The following CLSTN2 variants were observed in gnomAD, a reference collection of about 807,000 sequenced individuals.
The protein encoded by CLSTN2 is calsyntenin-2.
Under a neutral mutation model 101.2 loss-of-function variants are expected in CLSTN2, and 48 were observed. That is an observed-to-expected ratio of 0.47 (90% CI 0.38 to 0.60). The LOEUF (loss-of-function observed/expected upper bound fraction) is 0.60. Ranked by LOEUF, CLSTN2 falls within the 20% of genes least tolerant of loss-of-function variation. The pLI is 0.00. For synonymous variants in CLSTN2, 481 were observed against 463.6 expected (o/e 1.04, Z -0.48); for missense variants, 1,160 against 1,238.2 (o/e 0.94, Z 0.95).
rs2009485678 is a variant in CLSTN2, at chr3:140,129,307, A to C, written c.110-46644A>C. Among the ~76,000 whole-genome samples the C allele has an allele frequency of 2.6e-5, 4 of 152,314 alleles. No individual in the cohort carries two copies. The South Asian group carries it at 8.3e-4, about 32-fold the overall frequency. On this transcript the variant is annotated intron_variant, in intron 1 of 16. Transcript: ENST00000458420. ...GCAGGAATAATGTCTGACACATTGT[A>C]GGTACTCCTTGTCAGTAGCTTCTAT...
chr3:140,127,719 G>A (rs1305810236), intron 1 of CLSTN2, among the ~76,000 whole-genome samples: 1 of 152,128 alleles, frequency 6.6e-6, no homozygotes, highest in Non-Finnish European at 1.5e-5. Flanking sequence ...CAGGAGTATA[G>A]GCTGGAATAA....
chr3:140,432,033 T>G (rs1357302299), intron 5 of CLSTN2, among the ~76,000 whole-genome samples: 1 of 152,180 alleles, frequency 6.6e-6, no homozygotes, highest in Admixed American at 6.5e-5. Context: ...GTACACACAT[T>G]TAAATCCATA....
intron 9 of CLSTN2, among the ~76,000 whole-genome samples, chr3:140,543,933 T>C (rs181189244): frequency 6.6e-6 from 1 of 152,190 alleles, no homozygotes; most frequent in East Asian, 1.9e-4. Context: ...ACAGGTGCAA[T>C]AGGGAAGGAA....
chr3:140,069,671 A>C (rs1203225014), intron 1 of CLSTN2, among the ~76,000 whole-genome samples: 2 of 152,200 alleles, frequency 1.3e-5, no homozygotes, highest in Admixed American at 1.3e-4. Context: ...AGAAGTTCAC[A>C]TCTTCCCTTA....
chr3:140,173,574 A>T (rs2010272868), intron 1 of CLSTN2, among the ~76,000 whole-genome samples: 1 of 152,188 alleles, frequency 6.6e-6, no homozygotes, highest in South Asian at 2.1e-4. Context: ...TCCCTTCTGC[A>T]CTGCCCTAGC....
chr3:140,169,476 C>T (rs867760252), intron 1 of CLSTN2, among the ~76,000 whole-genome samples: 1 of 152,022 alleles, frequency 6.6e-6, no homozygotes, highest in African/African-American at 2.4e-5. Context: ...TGCCTTATTG[C>T]ACTGGTTAGA....
intron 2 of CLSTN2, among the ~76,000 whole-genome samples, chr3:140,226,178 G>C (rs1471561838): frequency 6.6e-6 from 1 of 151,478 alleles, no homozygotes; most frequent in Non-Finnish European, 1.5e-5. Flanking sequence ...AATAACCACA[G>C]AAATGGAGAA....
At chr3:140,333,009 A>C (rs2087402240) in intron 2 of CLSTN2, among the ~76,000 whole-genome samples, 1 of 152,166 alleles carries the variant, frequency 6.6e-6, no homozygotes, top group South Asian at 2.1e-4. Flanking sequence ...GGAGTCCATG[A>C]TCCTGCACTG....
chr3:140,551,653 A>C (rs2936717), intron 10 of CLSTN2, among the ~76,000 whole-genome samples: 3 of 152,116 alleles, frequency 2.0e-5, no homozygotes, highest in Admixed American at 2.0e-4. Context: ...TAGGTGTTTA[A>C]GTTTTTTTCT....
chr3:140,308,770 G>GTA (rs1254300888), intron 2 of CLSTN2, among the ~76,000 whole-genome samples: 21 of 152,212 alleles, frequency 1.4e-4, no homozygotes, highest in Admixed American at 3.3e-4. Context: ...CTTCACTCCA[G>GTA]TTTTATGCTA....
chr3:140,387,421 T>A (rs1021720743), intron 2 of CLSTN2, among the ~76,000 whole-genome samples: 1 of 152,208 alleles, frequency 6.6e-6, no homozygotes, highest in African/African-American at 2.4e-5. Flanking sequence ...TTTACTAACC[T>A]CTCCATTGGG....
At chr3:140,533,710 C>CAAAAAAAAAAAAA (rs71627883) in intron 9 of CLSTN2, among the ~76,000 whole-genome samples, 1 of 58,874 alleles carries the variant, frequency 1.7e-5, no homozygotes, top group African/African-American at 5.9e-5. Context: ...GACTCCATCT[C>CAAAAAAAAAAAAA]AAAAAAAAAA....
chr3:140,212,704 C>A (rs559963747), intron 2 of CLSTN2, among the ~76,000 whole-genome samples: 2 of 152,332 alleles, frequency 1.3e-5, no homozygotes, highest in African/African-American at 4.8e-5. Flanking sequence ...CTAGCTCTAA[C>A]AAACTCATTT....
intron 5 of CLSTN2, among the ~76,000 whole-genome samples, chr3:140,432,259 A>C (rs937585825): frequency 4.6e-5 from 7 of 152,170 alleles, no homozygotes; most frequent in Non-Finnish European, 1.5e-5. Context: ...GCTTCCCTAA[A>C]TGTAAATGCC....
rs1012081293 is a variant in CLSTN2, at chr3:140,288,450, C to T, written c.232+112377C>T. On this transcript the variant is annotated intron_variant, in intron 2 of 16. Transcript: ENST00000458420. ...TTCCAAGAGGATTCTATTGCAATCACTAAACACCATTTCCCAGGTGTTTTA... is the reference window on the plus strand; with the variant it reads ...TTCCAAGAGGATTCTATTGCAATCATTAAACACCATTTCCCAGGTGTTTTA... 1.1e-4 allele frequency among the ~76,000 whole-genome samples: 17 copies of T among 152,126 alleles called. 1 individual carries two copies. Among genetic ancestry groups the T allele is most frequent in the Admixed American group, 9.2e-4 (14 of 15,276 alleles).
rs772657107 is a variant in CLSTN2 at position 140,404,719 on chromosome 3, A to G, written c.590A>G (p.Asn197Ser). ...DCSPQYSQIC[N>S]YEIVTTDVPF... ...TCCCCACAGTACAGCCAGATCTGCA[A>G]CTATGAAATCGTCACCACAGATGTG... Residue 197 changes from asparagine (N) to serine (S), a missense_variant, in exon 4 of 17, where the codon AAC (asparagine) becomes AGC (serine). Physicochemically the swap from Asn to Ser is conservative, Grantham distance 46 (BLOSUM62 1). Coordinates refer to ENST00000458420, the MANE Select transcript of CLSTN2 (RefSeq NM_022131.3). 27 of 1,614,106 alleles carry G rather than the reference A, an allele frequency of 1.7e-5. No homozygotes were observed. In the East Asian group the frequency reaches 5.8e-4, roughly 35 times the overall value.
At chr3:140,333,750 T>C (rs1227677605) in intron 2 of CLSTN2, among the ~76,000 whole-genome samples, 1 of 151,844 alleles carries the variant, frequency 6.6e-6, no homozygotes, top group Non-Finnish European at 1.5e-5. Context: ...TGAGTAGGCA[T>C]TACTGAGGGA....
intron 2 of CLSTN2, among the ~76,000 whole-genome samples, chr3:140,219,971 A>G (rs371299492): frequency 1.3e-5 from 2 of 152,264 alleles, no homozygotes; most frequent in East Asian, 1.9e-4. Context: ...GAATATCCCC[A>G]TTTTACAGAT....
At chr3:140,276,734 A>C (rs2086798165) in intron 2 of CLSTN2, among the ~76,000 whole-genome samples, 1 of 152,182 alleles carries the variant, frequency 6.6e-6, no homozygotes, top group South Asian at 2.1e-4. Flanking sequence ...GAATATCCTC[A>C]GTCCTTGGAA....
Sources: allele counts gnomAD v4.1 joint callset (sites outside exome capture counted in the v4.1 genomes callset), GRCh38; gene constraint gnomAD v4.1.1; transcripts MANE v1.5; gene names NCBI Gene and HGNC (gene_info 2026-07-23, HGNC 2026-07-21).